GRM7: variants seen among roughly 807,000 people sequenced by gnomAD.
The protein encoded by GRM7 is glutamate metabotropic receptor 7.
In GRM7, 35 loss-of-function variants were observed where a neutral mutation model predicts 84.5. The ratio of observed to expected loss-of-function variants is 0.41; its 90% confidence interval spans 0.32 to 0.55. GRM7 has a LOEUF of 0.55. Among genes scored for constraint, GRM7 ranks in the 20% least tolerant of loss-of-function variants. GRM7 has a pLI of 0.19. For missense variants in GRM7, 1,003 were observed against 1,194.6 expected (o/e 0.84, Z 2.36); for synonymous variants, 487 against 455.1 (o/e 1.07, Z -0.89).
At chr3:6,903,655 A>G (rs1439570727) in intron 1 of GRM7, among the ~76,000 whole-genome samples, 1 of 152,134 alleles carries the variant, frequency 6.6e-6, no homozygotes, top group Non-Finnish European at 1.5e-5. Context: ...TCTGGTTTAT[A>G]CTCAGATATA....
At chr3:7,357,611 C>T (rs1399091226) in intron 4 of GRM7, among the ~76,000 whole-genome samples, 2 of 152,054 alleles carry the variant, frequency 1.3e-5, no homozygotes, top group Admixed American at 6.6e-5. Context: ...ATTACACTGC[C>T]ACCTTTCTAG....
chr3:7,244,954 C>T (rs948683369), intron 2 of GRM7, among the ~76,000 whole-genome samples: 17 of 151,842 alleles, frequency 1.1e-4, no homozygotes, highest in African/African-American at 3.9e-4. Context: ...TTAAGGGACA[C>T]AAATTTCAGT....
chr3:7,294,204 C>G (rs1699736032), intron 2 of GRM7, among the ~76,000 whole-genome samples: 1 of 152,142 alleles, frequency 6.6e-6, no homozygotes, highest in Non-Finnish European at 1.5e-5. Context: ...TGCAGACTGC[C>G]CCTCCACTAG....
At chr3:7,056,754 G>A (rs1284566624) in intron 1 of GRM7, among the ~76,000 whole-genome samples, 3 of 151,654 alleles carry the variant, frequency 2.0e-5, no homozygotes, top group Non-Finnish European at 4.4e-5. Flanking sequence ...TTAAACTATT[G>A]TACCCATTTT....
chr3:7,589,910 T>C (rs1695697700), intron 8 of GRM7, among the ~76,000 whole-genome samples: 1 of 151,992 alleles, frequency 6.6e-6, no homozygotes, highest in Admixed American at 6.5e-5. Flanking sequence ...ATTCCTTGAC[T>C]TATAACCAAC....
chr3:7,126,995 A>T (rs1693424495), intron 1 of GRM7, among the ~76,000 whole-genome samples: 1 of 152,352 alleles, frequency 6.6e-6, no homozygotes, highest in Non-Finnish European at 1.5e-5. Context: ...CTTTATGGAA[A>T]TTATGCAAAG....
intron 4 of GRM7, among the ~76,000 whole-genome samples, chr3:7,340,344 C>G (rs1161320010): frequency 2.6e-5 from 4 of 152,078 alleles, no homozygotes; most frequent in Non-Finnish European, 5.9e-5. Flanking sequence ...GCCAGTGAGG[C>G]CTTAGGAAAC....
At chr3:7,028,876 A>G (rs112171545) in intron 1 of GRM7, among the ~76,000 whole-genome samples, 5,105 of 152,314 alleles carry the variant, frequency 0.034, 297 homozygotes, top group African/African-American at 0.12. Context: ...ACTTTAGAAA[A>G]CAGCTTGACA....
chr3:6,954,326 C>G (rs1575062613), intron 1 of GRM7, among the ~76,000 whole-genome samples: 1 of 152,214 alleles, frequency 6.6e-6, no homozygotes, highest in East Asian at 1.9e-4. Flanking sequence ...ACTTTTTCTG[C>G]AATTAACTTA....
At chr3:7,459,947 G>A (rs947958505) in intron 6 of GRM7, among the ~76,000 whole-genome samples, 1 of 151,782 alleles carries the variant, frequency 6.6e-6, no homozygotes, top group African/African-American at 2.4e-5. Context: ...CCCAAAAACA[G>A]GAAATGGATG....
rs995270984 is a variant in GRM7, at chr3:7,188,928, A to G, written c.736+42260A>G. ...AATATTGTATTAAGTTTCTATTGTC[A>G]ATAGCTGGATGGATGTGTGTGGACT... On this transcript the variant is annotated intron_variant, in intron 2 of 9. Transcript: ENST00000357716. This position sits in a 1 kb window ranked among gnomAD's most constrained non-coding sequence, Gnocchi z 4.2. Among the ~76,000 whole-genome samples, 1 of 152,186 alleles carries G rather than the reference A, an allele frequency of 6.6e-6. No homozygotes were observed. Among genetic ancestry groups the G allele is most frequent in the Non-Finnish European group, 1.5e-5 (1 of 68,020 alleles).
chr3:7,186,857 A>G (rs1387893749), intron 2 of GRM7, among the ~76,000 whole-genome samples: 2 of 152,174 alleles, frequency 1.3e-5, no homozygotes, highest in African/African-American at 4.8e-5. Flanking sequence ...ACAATTACAA[A>G]TAAGGTTTTA....
intron 1 of GRM7, among the ~76,000 whole-genome samples, chr3:6,922,073 C>G (rs1275882945): frequency 3.3e-5 from 5 of 152,216 alleles, no homozygotes; most frequent in African/African-American, 1.2e-4. Flanking sequence ...CATTTGACGA[C>G]TAAGCATGTT....
chr3:7,399,449 T>C (rs1204071719), intron 4 of GRM7, among the ~76,000 whole-genome samples: 1 of 152,078 alleles, frequency 6.6e-6, no homozygotes, highest in African/African-American at 2.4e-5. Context: ...CTGAATGAAA[T>C]CTCATTTCCT....
chr3:7,518,456 A>C (rs2124987101), intron 7 of GRM7, among the ~76,000 whole-genome samples: 4 of 152,358 alleles, frequency 2.6e-5, no homozygotes, highest in Middle Eastern at 6.8e-3. Context: ...AGAAGGTTTC[A>C]GTTACTGTGA....
At chr3:7,530,515 C>A (rs901123269) in intron 7 of GRM7, among the ~76,000 whole-genome samples, 1 of 152,130 alleles carries the variant, frequency 6.6e-6, no homozygotes, top group African/African-American at 2.4e-5. Context: ...TGAGGAATTG[C>A]CACACTGTCT....
intron 1 of GRM7, among the ~76,000 whole-genome samples, chr3:7,045,992 T>C (rs549866141): frequency 1.3e-5 from 2 of 152,146 alleles, no homozygotes; most frequent in Non-Finnish European, 2.9e-5. Context: ...TTTGCATTTT[T>C]ATCTACAGTG....
At chr3:7,471,755 A>C (rs780756098) in intron 7 of GRM7, among the ~76,000 whole-genome samples, 15 of 152,214 alleles carry the variant, frequency 9.9e-5, no homozygotes, top group Non-Finnish European at 2.1e-4. Flanking sequence ...ATTAGAACAT[A>C]GACATCTTTC....
At chr3:6,956,132 A>G (rs1010941802) in intron 1 of GRM7, among the ~76,000 whole-genome samples, 4 of 152,242 alleles carry the variant, frequency 2.6e-5, no homozygotes, top group Admixed American at 6.5e-5. Context: ...ATTCAGCAAC[A>G]CATACAACTA....
Sources: allele counts gnomAD v4.1 joint callset (sites outside exome capture counted in the v4.1 genomes callset), GRCh38; gene constraint gnomAD v4.1.1; non-coding constraint Gnocchi (gnomAD v3.1); transcripts MANE v1.5; gene names NCBI Gene and HGNC (gene_info 2026-07-23, HGNC 2026-07-21).